The following NPAS3 variants were observed in gnomAD, a reference collection of about 807,000 sequenced individuals.
The protein encoded by NPAS3 is neuronal PAS domain protein 3.
NPAS3 carries 14 observed loss-of-function variants against 73.1 expected under a neutral mutation model. That is an observed-to-expected ratio of 0.19 (90% CI 0.13 to 0.30). NPAS3 has a LOEUF of 0.30. Among genes scored for constraint, NPAS3 ranks in the 10% least tolerant of loss-of-function variants. The pLI is 1.00. For missense variants in NPAS3, 1,096 were observed against 1,250.0 expected, an observed-to-expected ratio of 0.88 and a Z score of 1.86; for synonymous variants, 620 against 541.5, an observed-to-expected ratio of 1.14 and a Z score of -2.01.
At chr14:33,176,601 TTGTTTATCTATTTATC>T (rs2045597177) in intron 2 of NPAS3, among the ~76,000 whole-genome samples, 2 of 152,244 alleles carry the variant, frequency 1.3e-5, no homozygotes, top group African/African-American at 4.8e-5. Flanking sequence ...AATGCCACAT[TTGTTTATCTATTTATC>T]TGTTGATGGA....
chr14:33,358,205 C>A (rs1246782974), intron 3 of NPAS3, among the ~76,000 whole-genome samples: 1 of 152,128 alleles, frequency 6.6e-6, no homozygotes, highest in African/African-American at 2.4e-5. Flanking sequence ...TGCAGGTGTG[C>A]ACGTCAGGGT....
At chr14:33,246,839 C>CAAAAAAAAAAA (rs571439161) in intron 3 of NPAS3, among the ~76,000 whole-genome samples, 3 of 61,964 alleles carry the variant, frequency 4.8e-5, no homozygotes, top group African/African-American at 7.8e-5. Flanking sequence ...ATTAAAAATA[C>CAAAAAAAAAAA]AAAAAAAAAA....
At chr14:33,438,121 AAAC>A (rs2049071046) in intron 4 of NPAS3, among the ~76,000 whole-genome samples, 2 of 152,232 alleles carry the variant, frequency 1.3e-5, no homozygotes, top group African/African-American at 4.8e-5. Context: ...ATATTTAAAA[AAAC>A]AACTGATAAT....
At chr14:32,977,780 A>G (rs916135742) in intron 1 of NPAS3, among the ~76,000 whole-genome samples, 4 of 152,146 alleles carry the variant, frequency 2.6e-5, no homozygotes, top group African/African-American at 9.7e-5. Context: ...GTTTCTCTCA[A>G]TATTGTTAAT....
rs183202204 is a variant in NPAS3 at position 33,084,894 on chromosome 14, G to C, written c.140+28900G>C. ...GGGAAGATCCACATCAGTATAGTGTGAGTAAAGCAAAACATTTATTTTAAT... is the reference window on the plus strand; with the variant it reads ...GGGAAGATCCACATCAGTATAGTGTCAGTAAAGCAAAACATTTATTTTAAT... On this transcript the variant is annotated intron_variant, in intron 2 of 11. Transcript: ENST00000356141. Among the ~76,000 whole-genome samples the C allele has an allele frequency of 5.9e-5, 9 of 152,312 alleles. No homozygotes were observed. The East Asian group carries it at 1.7e-3, about 29-fold the overall frequency.
chr14:33,368,800 ATGT>A (rs1368917155), intron 4 of NPAS3, among the ~76,000 whole-genome samples: 2 of 152,074 alleles, frequency 1.3e-5, no homozygotes, highest in African/African-American at 4.8e-5. Context: ...TCTTACACAC[ATGT>A]TGTTTGGAAT....
intron 2 of NPAS3, among the ~76,000 whole-genome samples, chr14:33,147,578 T>G (rs1039969349): frequency 6.8e-6 from 1 of 147,136 alleles, no homozygotes; most frequent in Non-Finnish European, 1.5e-5. Context: ...CACCGGGGCC[T>G]GTTGTGGGGT....
intron 3 of NPAS3, among the ~76,000 whole-genome samples, chr14:33,245,862 TA>T (rs1337180361): frequency 6.6e-6 from 1 of 151,976 alleles, no homozygotes; most frequent in Non-Finnish European, 1.5e-5. Flanking sequence ...GTCACAACTT[TA>T]AGTGTTACAA....
intron 1 of NPAS3, among the ~76,000 whole-genome samples, chr14:32,969,709 A>G (rs2139301919): frequency 6.6e-6 from 1 of 152,296 alleles, no homozygotes; most frequent in East Asian, 1.9e-4. Context: ...TCTGTAAAAT[A>G]AGACTAACGT....
chr14:33,017,068 C>T (rs1326523833), intron 1 of NPAS3, among the ~76,000 whole-genome samples: 2 of 152,124 alleles, frequency 1.3e-5, no homozygotes, highest in African/African-American at 4.8e-5. Flanking sequence ...CCCTAACTGC[C>T]TTCAATCGCT....
intron 1 of NPAS3, among the ~76,000 whole-genome samples, chr14:32,998,559 C>A (rs891982614): frequency 1.3e-5 from 2 of 152,200 alleles, no homozygotes; most frequent in Non-Finnish European, 1.5e-5. Context: ...ATTCAACAAA[C>A]TTTCACTGGC....
chr14:33,716,378 A>G (rs2060957519), intron 6 of NPAS3, among the ~76,000 whole-genome samples: 1 of 151,640 alleles, frequency 6.6e-6, no homozygotes, highest in African/African-American at 2.4e-5. Flanking sequence ...CTCTATGTCT[A>G]CTTTTGCTTT....
rs200547283 is a variant in NPAS3 at position 33,799,946 on chromosome 14, T to C, written c.1639T>C (p.Phe547Leu). ...GAACCCCAAGGCGGGCGAGGACGGC[T>C]TCGGTGCTCTGGGCGCGATGCAGAT... The change falls in exon 12 of 12, where the codon TTC becomes CTC. Residue 547 changes from phenylalanine to leucine, a missense_variant. Physicochemically the swap from Phe to Leu is conservative, Grantham distance 22. Around this residue, in one of 5 missense-constraint regions of NPAS3, gnomAD observed 698 missense variants for 676.7 expected, o/e 1.03. Transcript: ENST00000356141. The C allele has an allele frequency of 5.9e-5, 96 of 1,614,038 alleles. No individual in the cohort carries two copies. Among genetic ancestry groups the C allele is most frequent in the Non-Finnish European group, 8.0e-5 (94 of 1,180,014 alleles).
intron 5 of NPAS3, among the ~76,000 whole-genome samples, chr14:33,588,342 A>G (rs1055917667): frequency 6.6e-6 from 1 of 152,142 alleles, no homozygotes; most frequent in African/African-American, 2.4e-5. Context: ...AGATCCAAAT[A>G]TCCTTCGGCA....
chr14:33,447,123 A>G (rs2049547238), intron 4 of NPAS3, among the ~76,000 whole-genome samples: 1 of 152,266 alleles, frequency 6.6e-6, no homozygotes, highest in Non-Finnish European at 1.5e-5. Context: ...GCTGAGTGCT[A>G]TCACATGGGC....
In NPAS3 at chr14:33,601,512, A is replaced by G. The variant is rs187708268; in HGVS notation, c.558+41302A>G. On this transcript the variant is annotated intron_variant, in intron 5 of 11. Transcript: ENST00000356141. ...TAGTCCTAGAATTATTTAAACTGGA[A>G]AACCAGCTTGGAGATAGGGATCTCA... Among the ~76,000 whole-genome samples, 127 of 152,338 alleles carry G rather than the reference A, an allele frequency of 8.3e-4. 1 individual carries two copies. Among genetic ancestry groups the G allele is most frequent in the African/African-American group, 2.8e-3 (115 of 41,582 alleles).
At chr14:32,979,302 A>AT (rs1345603456) in intron 1 of NPAS3, among the ~76,000 whole-genome samples, 1 of 152,238 alleles carries the variant, frequency 6.6e-6, no homozygotes, top group Non-Finnish European at 1.5e-5. Context: ...AAATAGGGCT[A>AT]TTACTACTAC....
chr14:33,005,600 A>G (rs1169305094), intron 1 of NPAS3, among the ~76,000 whole-genome samples: 1 of 152,140 alleles, frequency 6.6e-6, no homozygotes, highest in Non-Finnish European at 1.5e-5. Context: ...TCACTCTGAA[A>G]TAATCTGTGC....
intron 3 of NPAS3, among the ~76,000 whole-genome samples, chr14:33,311,648 C>T (rs1447018028): frequency 1.3e-5 from 2 of 152,084 alleles, no homozygotes; most frequent in African/African-American, 2.4e-5. Context: ...ATGAGTCCGT[C>T]CCATCAATCC....
Sources: allele counts gnomAD v4.1 joint callset (sites outside exome capture counted in the v4.1 genomes callset), GRCh38; gene constraint gnomAD v4.1.1; regional missense constraint gnomAD v4.1.1; transcripts MANE v1.5; gene names NCBI Gene and HGNC (gene_info 2026-07-23, HGNC 2026-07-21).